ELAVL4: variants seen among roughly 807,000 people sequenced by gnomAD.
ELAVL4 encodes ELAV-like protein 4.
ELAVL4 carries 1 observed loss-of-function variant against 35.6 expected under a neutral mutation model. The ratio of observed to expected loss-of-function variants is 0.03; its 90% confidence interval spans 0.01 to 0.13. ELAVL4 has a LOEUF of 0.13. Ranked by LOEUF, ELAVL4 falls within the 10% of genes least tolerant of loss-of-function variation. The probability of loss-of-function intolerance (pLI) is 1.00; values close to 1 mark genes in which losing one functional copy is unlikely to be tolerated. For missense variants in ELAVL4, 267 were observed against 464.9 expected, an observed-to-expected ratio of 0.57 and a Z score of 3.91; for synonymous variants, 156 against 171.0, an observed-to-expected ratio of 0.91 and a Z score of 0.69.
intron 1 of ELAVL4, among the ~76,000 whole-genome samples, chr1:50,050,257 A>G (rs1055588857): frequency 1.3e-5 from 2 of 152,242 alleles, no homozygotes; most frequent in Admixed American, 1.3e-4. Context: ...AACCAAACAT[A>G]AACAGTAGCT....
intron 1 of ELAVL4, among the ~76,000 whole-genome samples, chr1:50,079,761 A>C (rs940981027): frequency 2.0e-5 from 3 of 152,216 alleles, no homozygotes; most frequent in Non-Finnish European, 4.4e-5. Context: ...AAGGTGTTAA[A>C]CTTAAGGTTT....
In ELAVL4 at chr1:50,133,643, GAA is replaced by G. The variant is rs1416321688; in HGVS notation, c.10-11312_10-11311del. ...AGAAAGAAAGAAAGAAAGAAAGAAA[GAA>G]AGAAAGAGAAAGAAAGAAAGAAAGA... On this transcript the variant is annotated intron_variant, in intron 1 of 6. Transcript: ENST00000371824. Among the ~76,000 whole-genome samples the G allele has an allele frequency of 1.2e-3, 179 of 148,498 alleles. 1 individual carries two copies. The highest frequency in any genetic ancestry group is 4.2e-3 in the African/African-American group (164 of 39,432).
intron 1 of ELAVL4, among the ~76,000 whole-genome samples, chr1:50,126,577 A>G (rs1401022904): frequency 2.0e-5 from 3 of 152,144 alleles, no homozygotes; most frequent in African/African-American, 7.2e-5. Flanking sequence ...TAGAATGTAG[A>G]CATAAACCTT....
intron 2 of ELAVL4, 144 bp downstream of exon 2, chr1:50,145,341 A>T (rs962676490): frequency 6.5e-6 from 8 of 1,228,316 alleles, no homozygotes; most frequent in Non-Finnish European, 9.1e-6. Context: ...AACTCACACT[A>T]CATACACCAC....
chr1:50,166,005 G>C (rs1572489442), intron 2 of ELAVL4, among the ~76,000 whole-genome samples: 7 of 151,996 alleles, frequency 4.6e-5, no homozygotes, highest in African/African-American at 1.7e-4. Flanking sequence ...AAAGATGTAG[G>C]CTGGGAGGCT....
At chr1:50,086,507 C>G (rs1397429812) in intron 1 of ELAVL4, among the ~76,000 whole-genome samples, 1 of 149,824 alleles carries the variant, frequency 6.7e-6, no homozygotes, top group East Asian at 2.0e-4. Context: ...TATACTCTCT[C>G]TGCTCTGCCT....
intron 2 of ELAVL4, chr1:50,174,634 G>A (rs1679664729): frequency 6.6e-6 from 1 of 152,020 alleles, no homozygotes; most frequent in Admixed American, 6.6e-5. Flanking sequence ...GATAGAAGCA[G>A]GTGGCTTGAC....
intron 2 of ELAVL4, among the ~76,000 whole-genome samples, chr1:50,173,400 G>A (rs540732908): frequency 6.6e-6 from 1 of 152,202 alleles, no homozygotes; most frequent in Non-Finnish European, 1.5e-5. Flanking sequence ...GCTTTAAAGT[G>A]TAGCCATTAT....
At chr1:50,075,528 G>C (rs1244670010) in intron 1 of ELAVL4, among the ~76,000 whole-genome samples, 4 of 152,126 alleles carry the variant, frequency 2.6e-5, no homozygotes, top group Non-Finnish European at 4.4e-5. Context: ...ATCATTTACT[G>C]TCATCGCAGG....
At chr1:50,160,512 A>G (rs1676612133) in intron 2 of ELAVL4, among the ~76,000 whole-genome samples, 1 of 152,302 alleles carries the variant, frequency 6.6e-6, no homozygotes, top group East Asian at 1.9e-4. Flanking sequence ...GGTGAGCTTC[A>G]TGCCTGGCAC....
chr1:50,097,649 C>T (rs1310663952), intron 1 of ELAVL4, among the ~76,000 whole-genome samples: 1 of 152,160 alleles, frequency 6.6e-6, no homozygotes, highest in East Asian at 1.9e-4. Context: ...GCACTAAGCA[C>T]CTACTGTGTA....
At chr1:50,122,061 T>C (rs1368297577) in intron 1 of ELAVL4, among the ~76,000 whole-genome samples, 1 of 152,090 alleles carries the variant, frequency 6.6e-6, no homozygotes, top group Non-Finnish European at 1.5e-5. Flanking sequence ...TGTTAATTTC[T>C]CTATTTTATG....
chr1:50,132,083 T>C (rs2148640782), intron 1 of ELAVL4, among the ~76,000 whole-genome samples: 1 of 152,288 alleles, frequency 6.6e-6, no homozygotes, highest in African/African-American at 2.4e-5. Context: ...ATACTTGTGA[T>C]TTCTGGATTT....
At chr1:50,130,925 T>C in intron 1 of ELAVL4, among the ~76,000 whole-genome samples, 1 of 152,152 alleles carries the variant, frequency 6.6e-6, no homozygotes, top group East Asian at 1.9e-4. Flanking sequence ...ACTAAAGAAA[T>C]TTTAGATTGC....
chr1:50,138,614 C>T lies in ELAVL4; in HGVS notation c.10-6343C>T, dbSNP rs554324855. On this transcript the variant is annotated intron_variant, in intron 1 of 6. Transcript: ENST00000371824. ...TGCTGGGATTACAGGCACAGGCACCCGCCATCATGCCTGGCAAATTTTTGT... is the reference window on the plus strand; with the variant it reads ...TGCTGGGATTACAGGCACAGGCACCTGCCATCATGCCTGGCAAATTTTTGT... 5.6e-4 allele frequency among the ~76,000 whole-genome samples: 85 copies of T among 152,154 alleles called. 1 individual carries two copies. The highest frequency in any genetic ancestry group is 1.9e-3 in the African/African-American group (78 of 41,528).
At chr1:50,075,377 G>GCTC (rs1416506832) in intron 1 of ELAVL4, among the ~76,000 whole-genome samples, 1 of 152,194 alleles carries the variant, frequency 6.6e-6, no homozygotes, top group Non-Finnish European at 1.5e-5. Context: ...TTTAAAGTGA[G>GCTC]CTCCTGTATA....
chr1:50,148,808 G>T (rs1002194568), intron 2 of ELAVL4, among the ~76,000 whole-genome samples: 1 of 152,086 alleles, frequency 6.6e-6, no homozygotes, highest in Non-Finnish European at 1.5e-5. Context: ...TTATTCCCAT[G>T]GACTCCAAGG....
At chr1:50,119,070 A>AAGAG (rs1668555051) in intron 1 of ELAVL4, among the ~76,000 whole-genome samples, 1 of 136,708 alleles carries the variant, frequency 7.3e-6, no homozygotes, top group African/African-American at 2.9e-5. Context: ...GAAAGAAAGA[A>AAGAG]AGAAAGAAAG....
intron 1 of ELAVL4, among the ~76,000 whole-genome samples, chr1:50,078,094 C>T (rs1370527415): frequency 6.8e-6 from 1 of 147,198 alleles, no homozygotes; most frequent in Non-Finnish European, 1.5e-5. Context: ...ATTTAGTATA[C>T]AAATATATAC....
Sources: allele counts gnomAD v4.1 joint callset (sites outside exome capture counted in the v4.1 genomes callset), GRCh38; gene constraint gnomAD v4.1.1; transcripts MANE v1.5; gene names NCBI Gene and HGNC (gene_info 2026-07-23, HGNC 2026-07-21).